CDH20: variants seen among roughly 807,000 people sequenced by gnomAD.
The protein encoded by CDH20 is cadherin-20.
Under a neutral mutation model 74.2 loss-of-function variants are expected in CDH20, and 29 were observed. That is an observed-to-expected ratio of 0.39 (90% confidence interval 0.29 to 0.53). The LOEUF (loss-of-function observed/expected upper bound fraction) is 0.53. Among genes scored for constraint, CDH20 ranks in the 20% least tolerant of loss-of-function variants. CDH20 has a pLI of 0.69. For missense variants in CDH20, 988 were observed against 1,048.3 expected, an observed-to-expected ratio of 0.94 and a Z score of 0.79; for synonymous variants, 469 against 405.4, an observed-to-expected ratio of 1.16 and a Z score of -1.88.
At chr18:61,428,579 A>C (rs8091204) in intron 1 of CDH20, among the ~76,000 whole-genome samples, 15,251 of 152,102 alleles carry the variant, frequency 0.1, 1,522 homozygotes, top group African/African-American at 0.26. Context: ...CAACACTGAC[A>C]CCTTGCATCT....
chr18:61,453,648 C>A (rs1205753473), intron 1 of CDH20, among the ~76,000 whole-genome samples: 2 of 152,204 alleles, frequency 1.3e-5, no homozygotes, highest in Admixed American at 1.3e-4. Context: ...TCAATGACTT[C>A]CTTTATTGCT....
rs1419089307 is a variant in CDH20 at position 61,554,626 on chromosome 18, C to T, written c.2337C>T (p.Asp779=). ...DSEQSFDFLT[D]WGPRFRKLAE... ...AACAGAGCTTCGACTTCCTGACGGA[C>T]TGGGGGCCCCGCTTCCGGAAGCTGG... Residue 779 remains aspartate (D), a synonymous_variant, in exon 12 of 12, where the codon GAC becomes GAT. Transcript: ENST00000262717. 1 of 1,604,544 alleles carries T rather than the reference C, an allele frequency of 6.2e-7. No homozygotes were observed. The highest frequency in any genetic ancestry group is 1.1e-5 in the South Asian group (1 of 89,852).
intron 7 of CDH20, 128 bp downstream of exon 7, chr18:61,528,348 T>A (rs1167764434): frequency 2.0e-6 from 2 of 991,910 alleles, no homozygotes; most frequent in Non-Finnish European, 3.0e-6. Flanking sequence ...CCTCTTTGAG[T>A]TTTTTGTGTT....
At chr18:61,390,777 G>A (rs1020566431) in intron 1 of CDH20, among the ~76,000 whole-genome samples, 2 of 151,348 alleles carry the variant, frequency 1.3e-5, no homozygotes, top group Non-Finnish European at 3.0e-5. Context: ...GGAAATAGTG[G>A]TTATTCAAGA....
chr18:61,402,911 T>C (rs940240063), intron 1 of CDH20, among the ~76,000 whole-genome samples: 19 of 152,202 alleles, frequency 1.2e-4, no homozygotes, highest in African/African-American at 4.6e-4. Context: ...AATTAGAACA[T>C]CTGCAGATTT....
chr18:61,524,687 G>A (rs946712449), intron 6 of CDH20, among the ~76,000 whole-genome samples: 2 of 152,172 alleles, frequency 1.3e-5, no homozygotes, highest in Admixed American at 6.5e-5. Context: ...GGCCAAGGCC[G>A]AGGTGGGCCT....
chr18:61,379,755 TC>T (rs1184137610), intron 1 of CDH20, among the ~76,000 whole-genome samples: 1 of 152,168 alleles, frequency 6.6e-6, no homozygotes, highest in Non-Finnish European at 1.5e-5. Flanking sequence ...TGTTGGAGTG[TC>T]CTGATGTAAT....
At chr18:61,404,872 T>G in intron 1 of CDH20, 1 of 535,562 alleles carries the variant, frequency 1.9e-6, no homozygotes, top group Non-Finnish European at 3.4e-6. Context: ...TTTTCACCAG[T>G]CTGTTCTGGC....
intron 1 of CDH20, among the ~76,000 whole-genome samples, chr18:61,463,724 C>A (rs998091401): frequency 3.3e-5 from 5 of 152,090 alleles, no homozygotes; most frequent in Non-Finnish European, 7.3e-5. Context: ...AAGCAGAAAT[C>A]CCATCTGAAG....
intron 1 of CDH20, among the ~76,000 whole-genome samples, chr18:61,396,053 T>TTG (rs6146344): frequency 0.018 from 2,600 of 142,816 alleles, 71 homozygotes; most frequent in African/African-American, 0.058. Context: ...GTGTGTGTGT[T>TTG]TGTGTGTGTG....
At chr18:61,367,792 A>G (rs1405882432) in intron 1 of CDH20, among the ~76,000 whole-genome samples, 1 of 152,300 alleles carries the variant, frequency 6.6e-6, no homozygotes, top group African/African-American at 2.4e-5. Context: ...TCCAACCTCC[A>G]GACTTCTGGG....
chr18:61,412,739 TTAAAAATGATGC>T (rs1157240334), intron 1 of CDH20, among the ~76,000 whole-genome samples: 1 of 152,172 alleles, frequency 6.6e-6, no homozygotes, highest in Non-Finnish European at 1.5e-5. Flanking sequence ...AATACAGCCA[TTAAAAATGATGC>T]TTTTGAATAT....
At chr18:61,467,770 G>T (rs567927016) in intron 1 of CDH20, among the ~76,000 whole-genome samples, 1 of 152,134 alleles carries the variant, frequency 6.6e-6, no homozygotes, top group East Asian at 1.9e-4. Context: ...ATTGGAAACC[G>T]TCTGGGCCTC....
chr18:61,467,854 C>T (rs925205204), intron 1 of CDH20, among the ~76,000 whole-genome samples: 4 of 152,132 alleles, frequency 2.6e-5, no homozygotes, highest in African/African-American at 9.7e-5. Context: ...CCAAGGCTTA[C>T]GTTCGCTTAC....
At position 61,527,997 on chromosome 18, in the gene CDH20, A is replaced by C. The variant is rs779024165; in HGVS notation, c.1048A>C (p.Thr350Pro). The C allele has an allele frequency of 6.2e-7, 1 of 1,614,086 alleles. No individual in the cohort carries two copies. Among genetic ancestry groups the C allele is most frequent in the Non-Finnish European group, 8.5e-7 (1 of 1,179,968 alleles). The change falls in exon 7 of 12, where the codon ACC (threonine) becomes CCC (proline). Residue 350 changes from threonine to proline, a missense_variant. By Grantham distance (38) the Thr-to-Pro change is conservative. This residue lies in a region of CDH20 where 613 missense variants were observed against 755.2 expected (regional missense o/e 0.81). Transcript: ENST00000262717. ...GAGTTTTGAAAGCAAGAAAAGCTAC[A>C]CCTTAAAGGTGGAGGGAGCCAATCC... ...PLSFESKKSY[T>P]LKVEGANPHL...
chr18:61,451,173 A>C (rs1247628083), intron 1 of CDH20, among the ~76,000 whole-genome samples: 1 of 151,996 alleles, frequency 6.6e-6, no homozygotes, highest in Admixed American at 6.6e-5. Flanking sequence ...GGAAGTTTAA[A>C]ATCTTTTACT....
At chr18:61,530,267 A>T (rs751328970) in intron 7 of CDH20, among the ~76,000 whole-genome samples, 2 of 152,204 alleles carry the variant, frequency 1.3e-5, no homozygotes, top group Non-Finnish European at 2.9e-5. Context: ...AGACTCTCAG[A>T]GGGAAAAGCA....
At chr18:61,518,990 G>A (rs1484078824) in intron 6 of CDH20, among the ~76,000 whole-genome samples, 1 of 151,234 alleles carries the variant, frequency 6.6e-6, no homozygotes, top group Non-Finnish European at 1.5e-5. Context: ...AGTATCAACA[G>A]TCAAATTGAT....
At chr18:61,414,587 A>T (rs1280562527) in intron 1 of CDH20, among the ~76,000 whole-genome samples, 1 of 152,140 alleles carries the variant, frequency 6.6e-6, no homozygotes, top group African/African-American at 2.4e-5. Flanking sequence ...TTGCTTTCTT[A>T]CATGAGCCTA....
Sources: gnomAD v4.1 joint callset for allele counts (sites outside exome capture counted in the v4.1 genomes callset) on GRCh38, gnomAD v4.1.1 for gene constraint, gnomAD v4.1.1 regional missense constraint, MANE v1.5 for transcripts, NCBI Gene and HGNC (gene_info 2026-07-23, HGNC 2026-07-21) for gene names.